The following SORCS2 variants were observed in gnomAD, a reference collection of about 807,000 sequenced individuals.
SORCS2 encodes the protein VPS10 domain-containing receptor SorCS2.
A neutral mutation model predicts 141.6 loss-of-function variants in SORCS2; 100 were observed. The ratio of observed to expected loss-of-function variants is 0.71; its 90% CI spans 0.60 to 0.83. The LOEUF (loss-of-function observed/expected upper bound fraction) is 0.83, where lower values mean the gene tolerates loss of function less well. SORCS2 is among the 40% of genes least tolerant of loss of function. The pLI is 0.00. For synonymous variants in SORCS2, 789 were observed against 676.9 expected (o/e 1.17, Z -2.57); for missense variants, 1,646 against 1,560.2 (o/e 1.05, Z -0.93).
At chr4:7,696,968 CGGGCCTCTGCT>C (rs1268880935) in intron 11 of SORCS2, among the ~76,000 whole-genome samples, 1 of 152,180 alleles carries the variant, frequency 6.6e-6, no homozygotes, top group Admixed American at 6.5e-5. Flanking sequence ...CCACCTGTCC[CGGGCCTCTGCT>C]GGAGTCCCCT....
At position 7,667,204 on chromosome 4, in the gene SORCS2, A is replaced by G. The variant is rs1722556084; in HGVS notation, c.1152A>G (p.Ala384=). Residue 384 remains alanine, a synonymous_variant, in exon 8 of 27, where the codon GCA becomes GCG. Transcript: ENST00000507866. ...EFVLMKLPKY[A]LPKDLQIIST... is the part of the protein sequence containing the mutation. ...TCCTGATGAAGCTGCCGAAGTATGC[A>G]TTGCCAAAGGTAAGGTGCTCCCCAT... 6.2e-7 allele frequency: 1 copy of G among 1,613,792 alleles called. No individual in the cohort carries two copies.
intron 3 of SORCS2, among the ~76,000 whole-genome samples, chr4:7,637,873 T>C (rs542762425): frequency 3.8e-4 from 57 of 149,396 alleles, no homozygotes; most frequent in African/African-American, 1.2e-3. Context: ...TGAATGGCTA[T>C]GATTTGCATT....
chr4:7,680,021 A>G (rs576286567), intron 9 of SORCS2, among the ~76,000 whole-genome samples: 1 of 152,336 alleles, frequency 6.6e-6, no homozygotes, highest in East Asian at 1.9e-4. Flanking sequence ...AGGCATCTGC[A>G]CCAAGCACTA....
At chr4:7,676,755 GTCA>G in intron 9 of SORCS2, among the ~76,000 whole-genome samples, 1 of 56,918 alleles carries the variant, frequency 1.8e-5, no homozygotes, top group African/African-American at 8.4e-5. Context: ...CCCCCGCCCT[GTCA>G]TCTCCTCCTT....
intron 3 of SORCS2, among the ~76,000 whole-genome samples, chr4:7,556,664 C>T (rs1485085942): frequency 6.6e-6 from 1 of 151,822 alleles, no homozygotes; most frequent in Non-Finnish European, 1.5e-5. Flanking sequence ...ATCCATCTAT[C>T]CATCCATCCA....
At chr4:7,352,437 C>T (rs2109008454) in intron 1 of SORCS2, among the ~76,000 whole-genome samples, 1 of 152,340 alleles carries the variant, frequency 6.6e-6, no homozygotes, top group East Asian at 1.9e-4. Flanking sequence ...TCACCCCAAT[C>T]TCCTGGATGC....
At chr4:7,523,458 G>A (rs11941912) in intron 2 of SORCS2, among the ~76,000 whole-genome samples, 1,769 of 152,252 alleles carry the variant, frequency 0.012, 11 homozygotes, top group Middle Eastern at 0.024. Flanking sequence ...AGAGGCTTGC[G>A]TCCCCACTCT....
At chr4:7,394,049 C>T (rs992539389) in intron 1 of SORCS2, among the ~76,000 whole-genome samples, 3 of 150,512 alleles carry the variant, frequency 2.0e-5, no homozygotes, top group African/African-American at 7.5e-5. Context: ...TGTTTCAGCC[C>T]TGGGCAAAGC....
intron 4 of SORCS2, among the ~76,000 whole-genome samples, chr4:7,643,977 A>T (rs1577887633): frequency 6.6e-6 from 1 of 152,188 alleles, no homozygotes; most frequent in African/African-American, 2.4e-5. Context: ...CTCACTCAGC[A>T]TGTGTTCATT....
intron 1 of SORCS2, among the ~76,000 whole-genome samples, chr4:7,289,690 T>C (rs1346732681): frequency 1.3e-5 from 2 of 151,984 alleles, no homozygotes; most frequent in African/African-American, 2.4e-5. Flanking sequence ...TGCGGGGAGT[T>C]TTCTCCAGTA....
At chr4:7,406,153 T>C (rs939783211) in intron 2 of SORCS2, among the ~76,000 whole-genome samples, 3 of 151,908 alleles carry the variant, frequency 2.0e-5, no homozygotes, top group East Asian at 1.9e-4. Flanking sequence ...GCTAGTGTTG[T>C]GTTGAGGATT....
chr4:7,729,345 G>A (rs543331756), intron 22 of SORCS2, among the ~76,000 whole-genome samples: 1 of 152,258 alleles, frequency 6.6e-6, no homozygotes, highest in African/African-American at 2.4e-5. Flanking sequence ...TGGCCAAGGG[G>A]AGGCCAGTGT....
At chr4:7,727,215 G>A (rs1727282103) in intron 21 of SORCS2, among the ~76,000 whole-genome samples, 1 of 150,658 alleles carries the variant, frequency 6.6e-6, no homozygotes, top group Admixed American at 6.6e-5. Flanking sequence ...TTTGGGCACT[G>A]GCTGTGCCTG....
chr4:7,335,438 C>A (rs142075616), intron 1 of SORCS2, among the ~76,000 whole-genome samples: 1 of 152,184 alleles, frequency 6.6e-6, no homozygotes, highest in African/African-American at 2.4e-5. Context: ...CCTCCAGGCC[C>A]GACAGACCCC....
chr4:7,380,948 G>GTT (rs1722950258), intron 1 of SORCS2, among the ~76,000 whole-genome samples: 1 of 152,110 alleles, frequency 6.6e-6, no homozygotes, highest in Non-Finnish European at 1.5e-5. Flanking sequence ...TGGGTGTGGT[G>GTT]GCAGGTGCCT....
At chr4:7,238,714 G>A (rs903875585) in intron 1 of SORCS2, among the ~76,000 whole-genome samples, 1 of 152,318 alleles carries the variant, frequency 6.6e-6, no homozygotes, top group Admixed American at 6.5e-5. Flanking sequence ...GTCTGGGTTT[G>A]AATCCAGCTC....
intron 10 of SORCS2, among the ~76,000 whole-genome samples, chr4:7,685,226 C>T (rs191307681): frequency 1.3e-4 from 20 of 152,298 alleles, no homozygotes; most frequent in Admixed American, 5.2e-4. Flanking sequence ...GAGGAGATAA[C>T]CTCGGTGAGA....
chr4:7,312,062 A>G (rs1577385736), intron 1 of SORCS2, among the ~76,000 whole-genome samples: 1 of 152,008 alleles, frequency 6.6e-6, no homozygotes, highest in East Asian at 1.9e-4. Context: ...TTTTTAGTAG[A>G]GATGGAGTTT....
chr4:7,364,195 G>T (rs1254038231), intron 1 of SORCS2, among the ~76,000 whole-genome samples: 1 of 152,210 alleles, frequency 6.6e-6, no homozygotes, highest in Non-Finnish European at 1.5e-5. Context: ...ACAGGCTGGG[G>T]ATTAGAATCC....
Sources: allele counts gnomAD v4.1 joint callset (sites outside exome capture counted in the v4.1 genomes callset), GRCh38; gene constraint gnomAD v4.1.1; transcripts MANE v1.5; gene names NCBI Gene and HGNC (gene_info 2026-07-23, HGNC 2026-07-21).